Variants in MBNL1 observed in about 807,000 individuals in gnomAD.
The protein encoded by MBNL1 is muscleblind like splicing regulator 1.
Under a neutral mutation model 42.2 loss-of-function variants are expected in MBNL1, and 8 were observed. The ratio of observed to expected loss-of-function variants is 0.19; its 90% confidence interval spans 0.11 to 0.34. The LOEUF (loss-of-function observed/expected upper bound fraction) is 0.34. MBNL1 is among the 10% of genes least tolerant of loss of function. The pLI is 1.00. For missense variants in MBNL1, 309 were observed against 495.3 expected (o/e 0.62, Z 3.57); for synonymous variants, 169 against 173.9 (o/e 0.97, Z 0.22).
upstream of MBNL1, chr3:152,267,398 T>C (rs889981732): frequency 1.3e-5 from 2 of 152,318 alleles, no homozygotes; most frequent in African/African-American, 4.8e-5. Flanking sequence ...TTAATCGGTT[T>C]GTCTCTCACC....
intron 2 of MBNL1, among the ~76,000 whole-genome samples, chr3:152,332,727 TGTGTGTGTGTGTGCGCGC>T (rs1302277874): frequency 6.9e-5 from 9 of 130,920 alleles, no homozygotes; most frequent in African/African-American, 2.5e-4. Context: ...TGTGTGTGTG[TGTGTGTGTGTGTGCGCGC>T]GCGCATGCGC....
intron 4 of MBNL1, among the ~76,000 whole-genome samples, chr3:152,442,522 T>G (rs192823676): frequency 9.1e-4 from 139 of 152,370 alleles, no homozygotes; most frequent in African/African-American, 3.2e-3. Context: ...CTCTGTATGA[T>G]AAATGTTATA....
At position 152,447,720 on chromosome 3, in the gene MBNL1, A is replaced by G. The variant is rs1343112415; in HGVS notation, c.908A>G (p.Gln303Arg). 1 of 1,613,900 alleles carries G rather than the reference A, an allele frequency of 6.2e-7. No homozygotes were observed. Among genetic ancestry groups the G allele is most frequent in the East Asian group, 2.2e-5 (1 of 44,878 alleles). The change falls in exon 6 of 10, where the codon CAA becomes CGA. Residue 303 changes from glutamine (Q) to arginine (R), a missense_variant. Gln to Arg is a conservative substitution (Grantham distance 43). Transcript: ENST00000324210. ...AVFNTGIFQY[Q>R]QALANMQLQQ... Reference sequence around the variant, plus strand: ...TTTAACACTGGTATTTTCCAATACCAACAGGCTCTAGCCAACATGCAGTTA... The same window carrying G: ...TTTAACACTGGTATTTTCCAATACCGACAGGCTCTAGCCAACATGCAGTTA...
At chr3:152,434,333 C>T (rs2099050258) in intron 4 of MBNL1, among the ~76,000 whole-genome samples, 1 of 152,220 alleles carries the variant, frequency 6.6e-6, no homozygotes, top group Non-Finnish European at 1.5e-5. Context: ...TATTAGTTTG[C>T]TTAGGATAAT....
intron 2 of MBNL1, among the ~76,000 whole-genome samples, chr3:152,411,277 T>C (rs1013940824): frequency 6.6e-6 from 1 of 152,172 alleles, no homozygotes; most frequent in African/African-American, 2.4e-5. Context: ...ATCCCAGCAC[T>C]TTGGGAGGCC....
intron 2 of MBNL1, among the ~76,000 whole-genome samples, chr3:152,311,169 C>T (rs1015506139): frequency 2.0e-5 from 3 of 151,732 alleles, no homozygotes; most frequent in Admixed American, 2.0e-4. Context: ...CCACCATGCC[C>T]AGCTAATTTT....
intron 2 of MBNL1, chr3:152,262,721 ATT>A (rs1356447716): frequency 1.3e-5 from 2 of 152,226 alleles, no homozygotes; most frequent in Non-Finnish European, 2.9e-5. Flanking sequence ...TAAAAGCCCT[ATT>A]AGATACTATT....
In MBNL1 at chr3:152,442,999, A is replaced by C. The variant is rs1236065293; in HGVS notation, c.550-2283A>C. Among the ~76,000 whole-genome samples the C allele has an allele frequency of 2.0e-5, 3 of 152,208 alleles. No individual in the cohort carries two copies. The East Asian group carries it at 5.8e-4, about 29-fold the overall frequency. On this transcript the variant is annotated intron_variant, in intron 4 of 9. Transcript: ENST00000324210. ...AAAAATATGAAAGAGTCAAACATGC[A>C]TATTATGCAAAAGCAGTTGACTAAG...
At chr3:152,422,825 A>T (rs2098829408) in intron 3 of MBNL1, among the ~76,000 whole-genome samples, 1 of 152,234 alleles carries the variant, frequency 6.6e-6, no homozygotes, top group Non-Finnish European at 1.5e-5. Context: ...ATGGAAACTG[A>T]ACAACCTGCT....
chr3:152,403,597 A>C (rs1343652292), intron 2 of MBNL1, among the ~76,000 whole-genome samples: 2 of 152,080 alleles, frequency 1.3e-5, no homozygotes, highest in Non-Finnish European at 2.9e-5. Flanking sequence ...TAGTTTGTTG[A>C]GTGTTACTTT....
intron 3 of MBNL1, among the ~76,000 whole-genome samples, chr3:152,416,106 G>A (rs2098698072): frequency 1.3e-5 from 2 of 151,738 alleles, no homozygotes; most frequent in African/African-American, 4.8e-5. Flanking sequence ...CATGTGTGCT[G>A]TTTTTTTTCC....
At chr3:152,276,546 A>G (rs1303622739) in intron 1 of MBNL1, among the ~76,000 whole-genome samples, 1 of 152,216 alleles carries the variant, frequency 6.6e-6, no homozygotes, top group Non-Finnish European at 1.5e-5. Context: ...AAACGTTTGG[A>G]ATACTTTAAA....
At chr3:152,308,104 G>A (rs759553841) in intron 2 of MBNL1, among the ~76,000 whole-genome samples, 18 of 152,208 alleles carry the variant, frequency 1.2e-4, no homozygotes, top group Non-Finnish European at 1.8e-4. Context: ...TTTTTCCACA[G>A]AAGCAAGGTG....
At chr3:152,387,274 T>C (rs2153448469) in intron 2 of MBNL1, among the ~76,000 whole-genome samples, 1 of 151,702 alleles carries the variant, frequency 6.6e-6, no homozygotes, top group African/African-American at 2.4e-5. Context: ...TTGCTATTTT[T>C]ATATCACTGC....
At chr3:152,338,450 C>A (rs569845284) in intron 2 of MBNL1, 1 of 985,330 alleles carries the variant, frequency 1.0e-6, no homozygotes, top group South Asian at 4.7e-5. Context: ...CCATGTTGCC[C>A]TCTACACTTG....
chr3:152,310,554 G>A (rs970732858), intron 2 of MBNL1, among the ~76,000 whole-genome samples: 49 of 152,174 alleles, frequency 3.2e-4, no homozygotes, highest in Non-Finnish European at 1.2e-4. Flanking sequence ...TTGTACATAC[G>A]TGGGCAAGTA....
chr3:152,416,153 A>G (rs2098699058), intron 3 of MBNL1, among the ~76,000 whole-genome samples: 1 of 152,102 alleles, frequency 6.6e-6, no homozygotes, highest in Non-Finnish European at 1.5e-5. Flanking sequence ...TGTAATTATT[A>G]TTCTCTTTTA....
Position 152,256,603 on chromosome 3 carries a change from C to G in MBNL1, n.333+12163C>G, listed in dbSNP as rs550534468. The stretch of plus-strand genomic sequence containing the variant: ...ATTTATTTTTATTATCCTAAGAGAT[C>G]TAAATGAATCATATCACTACATTTT... On this transcript the variant is annotated intron_variant and non_coding_transcript_variant, in intron 2 of 2. Transcript: ENST00000477171. Among the ~76,000 whole-genome samples the G allele has an allele frequency of 2.0e-5, 3 of 152,208 alleles. No homozygotes were observed. In the South Asian group the frequency reaches 6.2e-4, roughly 32 times the overall value.
At chr3:152,407,308 C>T (rs752413490) in intron 2 of MBNL1, among the ~76,000 whole-genome samples, 24 of 140,366 alleles carry the variant, frequency 1.7e-4, no homozygotes, top group Admixed American at 9.5e-4. Context: ...TTTGCTGTTA[C>T]GCTGATTGGG....
Sources: allele counts gnomAD v4.1 joint callset (sites outside exome capture counted in the v4.1 genomes callset), GRCh38; gene constraint gnomAD v4.1.1; transcripts MANE v1.5; gene names NCBI Gene and HGNC (gene_info 2026-07-23, HGNC 2026-07-21).